WWP1: variants seen among roughly 807,000 people sequenced by gnomAD.
The protein encoded by WWP1 is WW domain containing E3 ubiquitin protein ligase 1.
WWP1 carries 49 observed loss-of-function variants against 130.6 expected under a neutral mutation model. The ratio of observed to expected loss-of-function variants is 0.38; its 90% CI spans 0.30 to 0.48. The LOEUF (loss-of-function observed/expected upper bound fraction) is 0.48. Among genes scored for constraint, WWP1 ranks in the 20% least tolerant of loss-of-function variants. The probability of loss-of-function intolerance (pLI) is 0.99; values close to 1 mark genes in which losing one functional copy is unlikely to be tolerated. For missense variants in WWP1, 809 were observed against 1,100.6 expected (o/e 0.74, Z 3.75); for synonymous variants, 332 against 367.8 (o/e 0.90, Z 1.11).
At chr8:86,437,378 A>G (rs1271200290) in intron 16 of WWP1, among the ~76,000 whole-genome samples, 2 of 152,216 alleles carry the variant, frequency 1.3e-5, no homozygotes, top group East Asian at 3.8e-4. Context: ...TTCCTTTCCT[A>G]CTGAGAAATG....
intron 1 of WWP1, among the ~76,000 whole-genome samples, chr8:86,343,887 A>G (rs1038761303): frequency 6.6e-5 from 10 of 152,040 alleles, no homozygotes; most frequent in East Asian, 5.8e-4. Context: ...GGGAAAAAAA[A>G]TCATGTCCAA....
At chr8:86,360,844 A>G (rs976304978) in intron 1 of WWP1, among the ~76,000 whole-genome samples, 9 of 152,228 alleles carry the variant, frequency 5.9e-5, no homozygotes, top group Non-Finnish European at 1.3e-4. Context: ...GAGTTGGCCT[A>G]TGGTGATCAG....
intron 21 of WWP1, among the ~76,000 whole-genome samples, chr8:86,454,688 A>G (rs192738829): frequency 3.9e-4 from 60 of 152,178 alleles, no homozygotes; most frequent in Admixed American, 1.2e-3. Context: ...TGGGAGCCCT[A>G]TATTGAAGTG....
chr8:86,460,790 C>CTTTTTTT lies in WWP1; in HGVS notation c.2500-403_2500-397dup, dbSNP rs59506795. Among the ~76,000 whole-genome samples, 87 of 62,398 alleles carry CTTTTTTT rather than the reference C, an allele frequency of 1.4e-3. 20 individuals are homozygous for CTTTTTTT. Among genetic ancestry groups the CTTTTTTT allele is most frequent in the Non-Finnish European group, 2.4e-3 (74 of 31,006 alleles). The allele number at this position is 62,398 out of a possible 152,430, so 40.9% of individuals were successfully genotyped here. A position where few individuals can be genotyped will look rare whatever the true frequency, so the allele number is the denominator to read the frequency against. On this transcript the variant is annotated intron_variant, in intron 22 of 24. Coordinates refer to ENST00000517970, the MANE Select transcript of WWP1 (RefSeq NM_007013.4). ...ACCCTACAACCTCTTTTTAGCACAT[C>CTTTTTTT]TTTTTTTTTTTTTTTTTTTTTTTTT...
chr8:86,402,206 A>G lies in WWP1; in HGVS notation c.724+3A>G. On this transcript the variant is annotated splice_donor_region_variant and intron_variant, in intron 8 of 24. Coordinates refer to ENST00000517970, the MANE Select transcript of WWP1 (RefSeq NM_007013.4). ...ATCTGAGCCTGCCGATGACACTGGT[A>G]AGCAAGGCTATTTATGACACCTTGT... 6.2e-7 allele frequency: 1 copy of G among 1,612,934 alleles called. No homozygotes were observed. Among genetic ancestry groups the G allele is most frequent in the Non-Finnish European group, 8.5e-7 (1 of 1,179,494 alleles).
rs760771250 is a variant in WWP1 at position 86,435,753 on chromosome 8, T to C, written c.1749+49T>C. 10 of 1,566,854 alleles carry C rather than the reference T, an allele frequency of 6.4e-6. No individual in the cohort carries two copies. In the South Asian group the frequency reaches 1.1e-4, roughly 18 times the overall value. ...AAACACCATTTGTCTCATTGTATTC[T>C]GTGCATCTAAAGAAAGTCAGGGTTT... On this transcript the variant is annotated intron_variant, in intron 16 of 24. Coordinates refer to ENST00000517970, the MANE Select transcript of WWP1 (RefSeq NM_007013.4).
intron 24 of WWP1, among the ~76,000 whole-genome samples, chr8:86,462,763 T>C (rs927779568): frequency 2.0e-5 from 3 of 152,174 alleles, no homozygotes; most frequent in African/African-American, 7.2e-5. Context: ...TTTTGAAATT[T>C]CTGCTTGTGG....
chr8:86,433,965 C>T (rs936428185), intron 14 of WWP1, among the ~76,000 whole-genome samples: 1 of 152,028 alleles, frequency 6.6e-6, no homozygotes, highest in Non-Finnish European at 1.5e-5. Context: ...TCTATCTCTC[C>T]TACCTTACAA....
At chr8:86,374,187 C>G in intron 3 of WWP1, 67 bp downstream of exon 3, 1 of 1,255,178 alleles carries the variant, frequency 8.0e-7, no homozygotes, top group East Asian at 2.4e-5. Flanking sequence ...CCTAATTCAG[C>G]AGACTTATTC....
chr8:86,408,923 T>A (rs565433389), intron 8 of WWP1, among the ~76,000 whole-genome samples: 1,691 of 150,984 alleles, frequency 0.011, 31 homozygotes, highest in African/African-American at 0.038. Flanking sequence ...AAAAAAAAAA[T>A]TTTTTTTCTT....
chr8:86,425,266 G>T lies in WWP1; in HGVS notation c.1105G>T (p.Asp369Tyr), dbSNP rs1214092742. The T allele has an allele frequency of 6.2e-7, 1 of 1,613,092 alleles. No individual in the cohort carries two copies. The highest frequency in any genetic ancestry group is 1.3e-5 in the African/African-American group (1 of 74,870). Residue 369 changes from aspartate (D) to tyrosine (Y), a missense_variant, in exon 10 of 25, where the codon GAT becomes TAT. Coordinates refer to ENST00000517970, the MANE Select transcript of WWP1 (RefSeq NM_007013.4). ...TCCTCATGGTAGAACCTATTATGTGGATCATAATACTCGAACTACCACATG... is the reference window on the plus strand; with the variant it reads ...TCCTCATGGTAGAACCTATTATGTGTATCATAATACTCGAACTACCACATG... ...KDPHGRTYYV[D>Y]HNTRTTTWER...
At chr8:86,395,729 C>T (rs1187180667) in intron 5 of WWP1, among the ~76,000 whole-genome samples, 1 of 152,006 alleles carries the variant, frequency 6.6e-6, no homozygotes, top group Non-Finnish European at 1.5e-5. Flanking sequence ...AGAGTATTTG[C>T]AAAAATTTAT....
At chr8:86,375,020 A>G (rs1302515036) in intron 3 of WWP1, among the ~76,000 whole-genome samples, 1 of 152,108 alleles carries the variant, frequency 6.6e-6, no homozygotes, top group African/African-American at 2.4e-5. Flanking sequence ...CTTAATCAAA[A>G]AATCTCCATT....
rs150495471 is a variant in WWP1 at position 86,426,977 on chromosome 8, G to A, written c.1158-666G>A. Among the ~76,000 whole-genome samples, 1,500 of 151,986 alleles carry A rather than the reference G, an allele frequency of 9.9e-3. 28 individuals carry two copies. Among genetic ancestry groups the A allele is most frequent in the African/African-American group, 0.034 (1,429 of 41,468 alleles). On this transcript the variant is annotated intron_variant, in intron 10 of 24. Transcript: ENST00000517970. ...GGAGTTCGAGACCATCCTGGCCAAC[G>A]TGGTGAAACCCCCATCTTTACTAAA...
intron 1 of WWP1, among the ~76,000 whole-genome samples, chr8:86,356,450 T>G (rs1335519468): frequency 6.7e-6 from 1 of 149,630 alleles, no homozygotes; most frequent in African/African-American, 2.4e-5. Flanking sequence ...TATATATATA[T>G]TTTTTTTTAC....
intron 21 of WWP1, among the ~76,000 whole-genome samples, chr8:86,456,522 C>A (rs1296751624): frequency 6.6e-6 from 1 of 151,868 alleles, no homozygotes; most frequent in African/African-American, 2.4e-5. Flanking sequence ...AATCAAAGCA[C>A]CACTTTGAGA....
chr8:86,380,693 C>T, intron 3 of WWP1, 33 bp from the exon 4 acceptor site: 1 of 1,583,948 alleles, frequency 6.3e-7, no homozygotes, highest in South Asian at 1.2e-5. Context: ...TTTTTGGCAA[C>T]ACATACTCAC....
At chr8:86,445,976 C>CTTTTCTTTT (rs1216312552) in intron 18 of WWP1, among the ~76,000 whole-genome samples, 13 of 84,984 alleles carry the variant, frequency 1.5e-4, no homozygotes, top group African/African-American at 3.4e-4. Flanking sequence ...CTTTTCTTTT[C>CTTTTCTTTT]TTTTTTTTTT....
At chr8:86,390,510 C>G (rs556094435) in intron 5 of WWP1, among the ~76,000 whole-genome samples, 7 of 152,252 alleles carry the variant, frequency 4.6e-5, no homozygotes, top group South Asian at 4.1e-4. Context: ...CCGTCCAACA[C>G]GGCGAAACCC....
Sources: gnomAD v4.1 joint callset for allele counts (sites outside exome capture counted in the v4.1 genomes callset) on GRCh38, gnomAD v4.1.1 for gene constraint, MANE v1.5 for transcripts, NCBI Gene and HGNC (gene_info 2026-07-23, HGNC 2026-07-21) for gene names.